Variants in CDH9 observed in about 807,000 individuals in gnomAD.
CDH9 encodes cadherin-9.
A neutral mutation model predicts 70.9 loss-of-function variants in CDH9; 28 were observed. That is an observed-to-expected ratio of 0.40 (90% CI 0.29 to 0.54). The LOEUF (loss-of-function observed/expected upper bound fraction) is 0.54. CDH9 is among the 20% of genes least tolerant of loss of function. CDH9 has a pLI of 0.59. For missense variants in CDH9, 874 were observed against 984.4 expected (o/e 0.89, Z 1.50); for synonymous variants, 409 against 343.1 (o/e 1.19, Z -2.12).
intron 2 of CDH9, among the ~76,000 whole-genome samples, chr5:26,933,689 G>A (rs1005593632): frequency 6.8e-4 from 103 of 151,794 alleles, no homozygotes; most frequent in African/African-American, 2.4e-3. Flanking sequence ...CAGGAGAATC[G>A]CTTGAACCCA....
chr5:26,936,371 C>T (rs1027436001), intron 2 of CDH9, among the ~76,000 whole-genome samples: 1 of 151,950 alleles, frequency 6.6e-6, no homozygotes, highest in Non-Finnish European at 1.5e-5. Context: ...ATAAATTTAG[C>T]AATATATGTA....
chr5:26,964,177 G>A (rs1408255413), intron 2 of CDH9, among the ~76,000 whole-genome samples: 1 of 151,782 alleles, frequency 6.6e-6, no homozygotes, highest in Non-Finnish European at 1.5e-5. Flanking sequence ...TAGAAAGCAA[G>A]ACTCTATGCT....
intron 5 of CDH9, among the ~76,000 whole-genome samples, chr5:26,905,220 C>T (rs1740925303): frequency 6.6e-6 from 1 of 152,018 alleles, no homozygotes; most frequent in Admixed American, 6.6e-5. Context: ...CAAATTTCAG[C>T]AGAGAATGGA....
chr5:27,035,169 A>ATG (rs1340064708), intron 1 of CDH9, among the ~76,000 whole-genome samples: 5 of 96,474 alleles, frequency 5.2e-5, no homozygotes, highest in Non-Finnish European at 7.4e-5. Context: ...AATATTGCAT[A>ATG]TGTATATATA....
At chr5:26,954,596 G>A (rs1334774655) in intron 2 of CDH9, among the ~76,000 whole-genome samples, 1 of 151,718 alleles carries the variant, frequency 6.6e-6, no homozygotes, top group Non-Finnish European at 1.5e-5. Flanking sequence ...GTGTTAGCCA[G>A]GATGGTCTCA....
chr5:27,008,636 T>A (rs1270618214), intron 1 of CDH9, among the ~76,000 whole-genome samples: 7 of 152,140 alleles, frequency 4.6e-5, no homozygotes, highest in Admixed American at 3.9e-4. Context: ...ACAATGTGCA[T>A]TTACCCAGAA....
chr5:27,034,425 T>G (rs2112139033), intron 1 of CDH9, among the ~76,000 whole-genome samples: 1 of 151,912 alleles, frequency 6.6e-6, no homozygotes, highest in East Asian at 1.9e-4. Flanking sequence ...CAAGAATGCT[T>G]ATTTCTCCTG....
intron 1 of CDH9, among the ~76,000 whole-genome samples, chr5:27,000,978 T>C (rs1742757311): frequency 6.6e-6 from 1 of 152,008 alleles, no homozygotes; most frequent in Non-Finnish European, 1.5e-5. Context: ...GATGAACAGG[T>C]GAAGCAAAGG....
intron 3 of CDH9, among the ~76,000 whole-genome samples, chr5:26,913,874 A>G (rs1474626164): frequency 6.6e-6 from 1 of 151,936 alleles, no homozygotes; most frequent in Non-Finnish European, 1.5e-5. Flanking sequence ...GACAAAATAC[A>G]TTTGAATTAT....
chr5:26,881,267 C>T lies in CDH9; in HGVS notation c.2239G>A (p.Ala747Thr). The stretch of plus-strand genomic sequence containing the variant: ...GATTCCAAAGAACTGAGCGAATCTG[C>T]TATGGAATCATTCCCTTCATAGGCA... ...TYAYEGNDSI[A>T]DSLSSLESLT... Residue 747 changes from alanine (A) to threonine (T), a missense_variant, in exon 12 of 12, where the codon GCA (alanine) becomes ACA (threonine). Physicochemically the swap from Ala to Thr is moderately conservative, Grantham distance 58. Coordinates refer to ENST00000231021, the MANE Select transcript of CDH9 (RefSeq NM_016279.4). 6.2e-7 allele frequency: 1 copy of T among 1,613,532 alleles called. No homozygotes were observed. The highest frequency in any genetic ancestry group is 8.5e-7 in the Non-Finnish European group (1 of 1,179,594).
At chr5:26,938,292 A>T (rs1013288081) in intron 2 of CDH9, among the ~76,000 whole-genome samples, 2 of 151,710 alleles carry the variant, frequency 1.3e-5, no homozygotes, top group African/African-American at 4.8e-5. Context: ...TATTATATAT[A>T]TTTACACATA....
intron 7 of CDH9, among the ~76,000 whole-genome samples, chr5:26,898,572 AG>A: frequency 6.6e-6 from 1 of 152,300 alleles, no homozygotes; most frequent in African/African-American, 2.4e-5. Flanking sequence ...AAATGGGGAA[AG>A]GATTCCCTAT....
intron 2 of CDH9, among the ~76,000 whole-genome samples, chr5:26,981,738 A>G (rs1742403208): frequency 6.6e-6 from 1 of 152,130 alleles, no homozygotes; most frequent in African/African-American, 2.4e-5. Context: ...TGTAGCATTG[A>G]CAGAGAAAAG....
intron 7 of CDH9, among the ~76,000 whole-genome samples, chr5:26,902,228 T>A (rs923492506): frequency 6.6e-6 from 1 of 151,960 alleles, no homozygotes; most frequent in Non-Finnish European, 1.5e-5. Context: ...TATAATACTA[T>A]CTACCTTGTA....
intron 1 of CDH9, among the ~76,000 whole-genome samples, chr5:27,038,171 A>T (rs963149971): frequency 6.6e-6 from 1 of 151,936 alleles, no homozygotes; most frequent in Non-Finnish European, 1.5e-5. Flanking sequence ...GTTTAGTTTT[A>T]TTTTTACGAC....
At chr5:26,978,938 T>C (rs972361925) in intron 2 of CDH9, among the ~76,000 whole-genome samples, 2 of 151,792 alleles carry the variant, frequency 1.3e-5, no homozygotes, top group African/African-American at 2.4e-5. Context: ...AATAAAGATA[T>C]TTCTATTAAC....
At chr5:27,011,911 AATAATAATAAAACTC>A (rs903275022) in intron 1 of CDH9, among the ~76,000 whole-genome samples, 3 of 151,930 alleles carry the variant, frequency 2.0e-5, no homozygotes, top group African/African-American at 7.2e-5. Context: ...GATTTGTTAT[AATAATAATAAAACTC>A]ATGACATTGG....
At chr5:26,921,978 G>A (rs1233135633) in intron 2 of CDH9, among the ~76,000 whole-genome samples, 1 of 138,044 alleles carries the variant, frequency 7.2e-6, no homozygotes, top group Non-Finnish European at 1.6e-5. Flanking sequence ...TTAAACAGAA[G>A]AAACAATTAG....
chr5:27,035,671 T>C (rs1003811170), intron 1 of CDH9, among the ~76,000 whole-genome samples: 1 of 135,900 alleles, frequency 7.4e-6, no homozygotes, highest in Non-Finnish European at 1.6e-5. Flanking sequence ...AATATTGCTA[T>C]TGACGTGTGT....
Sources: allele counts gnomAD v4.1 joint callset (sites outside exome capture counted in the v4.1 genomes callset), GRCh38; gene constraint gnomAD v4.1.1; transcripts MANE v1.5; gene names NCBI Gene and HGNC (gene_info 2026-07-23, HGNC 2026-07-21).